FGF9: variants seen among roughly 807,000 people sequenced by gnomAD.
FGF9 encodes fibroblast growth factor 9.
FGF9 carries 3 observed loss-of-function variants against 19.9 expected under a neutral mutation model. That is an observed-to-expected ratio of 0.15 (90% CI 0.07 to 0.39). FGF9 has a LOEUF of 0.39. FGF9 is among the 10% of genes least tolerant of loss of function. The probability of loss-of-function intolerance (pLI) is 1.00; values close to 1 mark genes in which losing one functional copy is unlikely to be tolerated. For missense variants in FGF9, 175 were observed against 256.8 expected, an observed-to-expected ratio of 0.68 and a Z score of 2.18; for synonymous variants, 107 against 106.9, an observed-to-expected ratio of 1.00 and a Z score of -0.01.
intron 2 of FGF9, among the ~76,000 whole-genome samples, chr13:21,683,954 G>A (rs1460811021): frequency 6.6e-6 from 1 of 152,232 alleles, no homozygotes; most frequent in Non-Finnish European, 1.5e-5. Flanking sequence ...GCCTGGATCT[G>A]CTTTGCCAGG....
At chr13:21,699,560 T>G (rs1470761220) in intron 2 of FGF9, among the ~76,000 whole-genome samples, 1 of 152,148 alleles carries the variant, frequency 6.6e-6, no homozygotes, top group Non-Finnish European at 1.5e-5. Context: ...GTTGATTGAT[T>G]TTGTCAAATT....
chr13:21,689,736 T>C (rs6490666), intron 2 of FGF9, among the ~76,000 whole-genome samples: 41,946 of 152,140 alleles, frequency 0.28, 7,001 homozygotes, highest in East Asian at 0.42. Context: ...GGGTCTTTCT[T>C]GTCTGTGGCT....
chr13:21,693,995 T>C (rs1329430217), intron 2 of FGF9, among the ~76,000 whole-genome samples: 1 of 152,234 alleles, frequency 6.6e-6, no homozygotes, highest in Non-Finnish European at 1.5e-5. Flanking sequence ...TCCTGTTCAA[T>C]ATGTCCTTCC....
intron 2 of FGF9, among the ~76,000 whole-genome samples, chr13:21,699,056 G>A (rs576706122): frequency 9.9e-5 from 15 of 152,176 alleles, no homozygotes; most frequent in Admixed American, 6.5e-4. Flanking sequence ...ACTTCTATCC[G>A]TTTCAATAGA....
intron 1 of FGF9, among the ~76,000 whole-genome samples, chr13:21,675,709 A>G (rs1320262681): frequency 6.6e-6 from 1 of 152,218 alleles, no homozygotes; most frequent in Non-Finnish European, 1.5e-5. Context: ...CTTGATTAAA[A>G]TAGAAGGTGC....
rs772799123 is a variant in FGF9 at position 21,701,666 on chromosome 13, G to A, written c.*231G>A. ...GGGCCACTTGCTTGATTTATCATGA[G>A]AGAAGAGGAGAGAGAGAGAGACTGA... is the stretch of plus-strand genomic sequence containing the variant. On this transcript the variant is annotated 3_prime_UTR_variant, in exon 3 of 3. Coordinates refer to ENST00000382353, the MANE Select transcript of FGF9 (RefSeq NM_002010.3). 6 of 536,240 alleles carry A rather than the reference G, an allele frequency of 1.1e-5. No homozygotes were observed. Among genetic ancestry groups the A allele is most frequent in the African/African-American group, 1.9e-5 (1 of 52,320 alleles). 33.2% of individuals were successfully genotyped at this position (536,240 alleles called of 1,614,324 possible). A position where few individuals can be genotyped will look rare whatever the true frequency, so the allele number is the denominator to read the frequency against.
rs1871766406 is a variant in FGF9 at position 21,671,531 on chromosome 13, A to G, written c.-382A>G. ...ATAACGCCTAGGCATTTAAGTTGCT[A>G]TGGTCATTCTGATCTCAAACCAAAT... is the stretch of plus-strand genomic sequence containing the variant. On this transcript the variant is annotated 5_prime_UTR_variant, in exon 1 of 3. It removes an upstream start codon present in the reference 5' UTR. Coordinates refer to ENST00000382353, the MANE Select transcript of FGF9 (RefSeq NM_002010.3). The G allele has an allele frequency of 5.9e-6, 3 of 509,056 alleles. No individual in the cohort carries two copies. Among genetic ancestry groups the G allele is most frequent in the East Asian group, 6.1e-5 (2 of 32,830 alleles). The allele number at this position is 509,056 out of a possible 1,614,324, so 31.5% of individuals were successfully genotyped here.
At chr13:21,687,015 C>A (rs1872178143) in intron 2 of FGF9, among the ~76,000 whole-genome samples, 1 of 152,216 alleles carries the variant, frequency 6.6e-6, no homozygotes, top group South Asian at 2.1e-4. Context: ...ACAGGTGCTT[C>A]TTAAAACAGG....
intron 2 of FGF9, among the ~76,000 whole-genome samples, chr13:21,693,130 A>G (rs558728891): frequency 6.6e-6 from 1 of 152,364 alleles, no homozygotes; most frequent in Non-Finnish European, 1.5e-5. Flanking sequence ...TGGAATGACC[A>G]GATGGTCAGG....
Position 21,672,198 on chromosome 13 carries a change from A to G in FGF9, c.277+9A>G, listed in dbSNP as rs748699086. 2 of 1,614,144 alleles carry G rather than the reference A, an allele frequency of 1.2e-6. No homozygotes were observed. The highest frequency in any genetic ancestry group is 1.3e-5 in the African/African-American group (1 of 75,038). On this transcript the variant is annotated intron_variant, in intron 1 of 2. Coordinates refer to ENST00000382353, the MANE Select transcript of FGF9 (RefSeq NM_002010.3). The surrounding 1 kb of genome is among the most constrained non-coding windows in gnomAD (Gnocchi z 4.2). ...AGACCACAGCCGATTTGGTAGGTAT[A>G]CCATTAACCCTTTAGTGTCCATGAG...
intron 2 of FGF9, among the ~76,000 whole-genome samples, chr13:21,697,627 A>G (rs534241261): frequency 2.0e-5 from 3 of 152,296 alleles, no homozygotes; most frequent in Admixed American, 2.0e-4. Context: ...TTAAAAAAGT[A>G]TAAAATGAGA....
At chr13:21,683,290 A>G (rs1243216594) in intron 2 of FGF9, among the ~76,000 whole-genome samples, 3 of 152,170 alleles carry the variant, frequency 2.0e-5, no homozygotes, top group African/African-American at 7.2e-5. Flanking sequence ...TTTCTTACTC[A>G]TGCCTTCCTG....
chr13:21,691,992 T>C lies in FGF9; in HGVS notation c.382-9198T>C, dbSNP rs1872302032. Among the ~76,000 whole-genome samples, 1 of 151,904 alleles carries C rather than the reference T, an allele frequency of 6.6e-6. No individual in the cohort carries two copies. The highest frequency in any genetic ancestry group is 2.1e-4 in the South Asian group (1 of 4,812). The stretch of plus-strand genomic sequence containing the variant: ...TTCCCTTTTAATCTTTTTTTTTTTT[T>C]TGTAATTCTTCATTGAAATCTCTGT... On this transcript the variant is annotated intron_variant, in intron 2 of 2. Coordinates refer to ENST00000382353, the MANE Select transcript of FGF9 (RefSeq NM_002010.3). The surrounding 1 kb of genome is among the most constrained non-coding windows in gnomAD (Gnocchi z 4.2).
At chr13:21,689,694 C>A (rs1872243594) in intron 2 of FGF9, among the ~76,000 whole-genome samples, 1 of 152,210 alleles carries the variant, frequency 6.6e-6, no homozygotes, top group Non-Finnish European at 1.5e-5. Flanking sequence ...TTAACACTTT[C>A]AAATGAATTC....
rs1015967665 is a variant in FGF9, at chr13:21,701,521, A to G, written c.*86A>G. ...TGGGTTCTTATTGATTCGCTGTGTC[A>G]TCACATCAGCTCCACTGTTGCCAAA... On this transcript the variant is annotated 3_prime_UTR_variant, in exon 3 of 3. Coordinates refer to ENST00000382353, the MANE Select transcript of FGF9 (RefSeq NM_002010.3). The G allele has an allele frequency of 1.5e-5, 23 of 1,585,306 alleles. No individual in the cohort carries two copies. The highest frequency in any genetic ancestry group is 1.9e-5 in the Non-Finnish European group (22 of 1,155,256).
intron 2 of FGF9, among the ~76,000 whole-genome samples, chr13:21,682,533 G>T (rs927952469): frequency 1.3e-5 from 2 of 151,950 alleles, no homozygotes; most frequent in Non-Finnish European, 2.9e-5. Flanking sequence ...GTAAGTATAG[G>T]ATTGACTTTA....
Position 21,694,395 on chromosome 13 carries a change from C to T in FGF9, c.382-6795C>T, listed in dbSNP as rs1872359457. On this transcript the variant is annotated intron_variant, in intron 2 of 2. Coordinates refer to ENST00000382353, the MANE Select transcript of FGF9 (RefSeq NM_002010.3). ...AAAAATTCTGCCCCTTCCAGTATCT[C>T]CCATGATTATCATGGGAACAAAGTA... Among the ~76,000 whole-genome samples, 3 of 152,154 alleles carry T rather than the reference C, an allele frequency of 2.0e-5. No homozygotes were observed. In the South Asian group the frequency reaches 6.2e-4, roughly 32 times the overall value.
At chr13:21,682,368 G>T (rs1193946859) in intron 2 of FGF9, among the ~76,000 whole-genome samples, 1 of 152,060 alleles carries the variant, frequency 6.6e-6, no homozygotes, top group African/African-American at 2.4e-5. Flanking sequence ...AGTTGAAAAT[G>T]AAAAGAAGCT....
chr13:21,687,412 A>G (rs1423220100), intron 2 of FGF9, among the ~76,000 whole-genome samples: 1 of 152,264 alleles, frequency 6.6e-6, no homozygotes, highest in Non-Finnish European at 1.5e-5. Context: ...AACTAGATAT[A>G]AATTCCTTAT....
Sources: allele counts gnomAD v4.1 joint callset (sites outside exome capture counted in the v4.1 genomes callset), GRCh38; gene constraint gnomAD v4.1.1; non-coding constraint Gnocchi (gnomAD v3.1); transcripts MANE v1.5; gene names NCBI Gene and HGNC (gene_info 2026-07-23, HGNC 2026-07-21).